WDFY3: variants seen among roughly 807,000 people sequenced by gnomAD.
WDFY3 encodes the protein WD repeat and FYVE domain containing 3, also known as WD repeat and FYVE domain-containing protein 3.
In WDFY3, 66 loss-of-function variants were observed where a neutral mutation model predicts 409.6. The ratio of observed to expected loss-of-function variants is 0.16; its 90% CI spans 0.13 to 0.20. The LOEUF (loss-of-function observed/expected upper bound fraction) is 0.20. Among genes scored for constraint, WDFY3 ranks in the 10% least tolerant of loss-of-function variants. The pLI is 1.00. For missense variants in WDFY3, 3,031 were observed against 4,298.1 expected (o/e 0.71, Z 8.24); for synonymous variants, 1,521 against 1,537.1 (o/e 0.99, Z 0.25).
At chr4:84,892,187 T>C (rs1765042663) in intron 3 of WDFY3, among the ~76,000 whole-genome samples, 1 of 152,090 alleles carries the variant, frequency 6.6e-6, no homozygotes, top group African/African-American at 2.4e-5. Flanking sequence ...TTTTGGAATG[T>C]ATCCATGGGA....
intron 15 of WDFY3, among the ~76,000 whole-genome samples, chr4:84,806,421 CTCAA>C (rs1370052776): frequency 6.6e-6 from 1 of 152,134 alleles, no homozygotes. Context: ...CGGATTAGGG[CTCAA>C]TCAACTAGCT....
intron 64 of WDFY3, 21 bp from the exon 65 acceptor site, chr4:84,679,263 A>G (rs1172784039): frequency 1.4e-6 from 2 of 1,474,216 alleles, no homozygotes; most frequent in East Asian, 2.5e-5. Context: ...CATTGAGAGA[A>G]TTGGAACATA....
At chr4:84,793,061 C>T (rs995143367) in intron 21 of WDFY3, among the ~76,000 whole-genome samples, 4 of 152,154 alleles carry the variant, frequency 2.6e-5, no homozygotes, top group African/African-American at 9.7e-5. Context: ...ATTAGGGAGG[C>T]ATATTACAGT....
At chr4:84,762,550 A>C (rs1742840150) in intron 32 of WDFY3, among the ~76,000 whole-genome samples, 1 of 151,836 alleles carries the variant, frequency 6.6e-6, no homozygotes, top group Admixed American at 6.6e-5. Context: ...CCAGCATGTC[A>C]CATGTATACA....
rs745737781 is a variant in WDFY3, at chr4:84,789,762, G to A, written c.3633C>T (p.Ala1211=). The A allele has an allele frequency of 2.5e-6, 4 of 1,613,088 alleles. No homozygotes were observed. The highest frequency in any genetic ancestry group is 1.7e-6 in the Non-Finnish European group (2 of 1,179,928). The stretch of plus-strand genomic sequence containing the variant: ...TAACAAGCTGTCCATCAATATAAAG[G>A]GCTGCAGTACTGTTTTTCAACATGC... The part of the protein sequence containing the change: ...SKGMLKNSTA[A]LYIDGQLVNT... Residue 1211 remains alanine, a synonymous_variant, in exon 22 of 68, where the codon GCC becomes GCT. Coordinates refer to ENST00000295888, the MANE Select transcript of WDFY3 (RefSeq NM_014991.6).
At chr4:84,687,919 T>C in intron 62 of WDFY3, 167 bp downstream of exon 62, 1 of 687,886 alleles carries the variant, frequency 1.5e-6, no homozygotes, top group Non-Finnish European at 2.5e-6. Flanking sequence ...AGACACCTGA[T>C]GGGTATAGTG....
At chr4:84,680,321 G>A (rs1263622094) in intron 64 of WDFY3, among the ~76,000 whole-genome samples, 1 of 151,846 alleles carries the variant, frequency 6.6e-6, no homozygotes, top group Non-Finnish European at 1.5e-5. Flanking sequence ...CATGGATCTT[G>A]CTCTATCACC....
At chr4:84,690,133 A>C (rs1473953570) in intron 61 of WDFY3, among the ~76,000 whole-genome samples, 1 of 152,232 alleles carries the variant, frequency 6.6e-6, no homozygotes, top group Non-Finnish European at 1.5e-5. Context: ...CAAAAAATAA[A>C]GAATTTAGTG....
intron 17 of WDFY3, among the ~76,000 whole-genome samples, chr4:84,800,034 G>A (rs906323934): frequency 6.6e-6 from 1 of 150,798 alleles, no homozygotes; most frequent in Admixed American, 6.6e-5. Context: ...TTACCAAAAA[G>A]GATCAGGGGA....
At chr4:84,874,484 T>C (rs564029082) in intron 3 of WDFY3, among the ~76,000 whole-genome samples, 2 of 152,240 alleles carry the variant, frequency 1.3e-5, no homozygotes, top group African/African-American at 4.8e-5. Flanking sequence ...GATTCCCTAT[T>C]GTCTAAGAAT....
In WDFY3 at chr4:84,786,132, A is replaced by G; in HGVS notation, c.3909T>C (p.Asp1303=). The change falls in exon 24 of 68, where the codon GAT becomes GAC. Residue 1303 remains aspartate, a synonymous_variant. Transcript: ENST00000295888. ...SFQAVCMPCK[D]AKSEGVVPSP... ...ATGGCACCACCCCTTCGGATTTTGC[A>G]TCTTTACCTTCAAAAGAAGAATAAT... is the stretch of plus-strand genomic sequence containing the variant. 2 of 1,595,824 alleles carry G rather than the reference A, an allele frequency of 1.3e-6. No individual in the cohort carries two copies. The highest frequency in any genetic ancestry group is 2.3e-5 in the East Asian group (1 of 44,332).
chr4:84,893,603 T>C (rs1000690879), intron 3 of WDFY3, among the ~76,000 whole-genome samples: 10 of 152,212 alleles, frequency 6.6e-5, no homozygotes, highest in Non-Finnish European at 1.3e-4. Context: ...AATTTCTCAA[T>C]CTCTACATTT....
Position 84,829,033 on chromosome 4 carries a change from T to A in WDFY3, c.927A>T (p.Gly309=). ...GCAAGAGATCACAAAGAAAATTATA[T>A]CCTTGCCATATCCGAAAATCATCCA... The part of the protein sequence containing the change: ...TLLDDFRIWQ[G]YNFLCDLLLR... The change falls in exon 9 of 68, where the codon GGA becomes GGT. Residue 309 remains glycine (G), a synonymous_variant. Coordinates refer to ENST00000295888, the MANE Select transcript of WDFY3 (RefSeq NM_014991.6). The A allele has an allele frequency of 6.2e-7, 1 of 1,613,056 alleles. No homozygotes were observed. Among genetic ancestry groups the A allele is most frequent in the Non-Finnish European group, 8.5e-7 (1 of 1,179,450 alleles).
intron 39 of WDFY3, among the ~76,000 whole-genome samples, chr4:84,739,678 T>A (rs1051788544): frequency 5.3e-5 from 8 of 152,292 alleles, no homozygotes; most frequent in African/African-American, 1.9e-4. Flanking sequence ...GGGTTGTTCC[T>A]AGCAGATCAC....
chr4:84,684,731 A>G (rs963830883), intron 62 of WDFY3, among the ~76,000 whole-genome samples: 1 of 152,210 alleles, frequency 6.6e-6, no homozygotes, highest in African/African-American at 2.4e-5. Context: ...TGGCAAACTT[A>G]GTAAAAACCA....
At chr4:84,854,718 G>A (rs1277603634) in intron 4 of WDFY3, among the ~76,000 whole-genome samples, 1 of 152,172 alleles carries the variant, frequency 6.6e-6, no homozygotes, top group Non-Finnish European at 1.5e-5. Context: ...AGACCAGCCT[G>A]GCCAACATGG....
At chr4:84,827,513 G>A (rs1038526186) in intron 9 of WDFY3, among the ~76,000 whole-genome samples, 24 of 152,080 alleles carry the variant, frequency 1.6e-4, no homozygotes, top group African/African-American at 4.8e-4. Flanking sequence ...GGGAGTGAGA[G>A]TTCCAACAGC....
intron 34 of WDFY3, among the ~76,000 whole-genome samples, chr4:84,754,851 A>G (rs1439950917): frequency 2.6e-5 from 4 of 152,166 alleles, no homozygotes; most frequent in African/African-American, 9.6e-5. Context: ...ATTATTATAT[A>G]TTTTATTACA....
At chr4:84,724,360 T>C in intron 46 of WDFY3, 66 bp downstream of exon 46, 1 of 1,531,098 alleles carries the variant, frequency 6.5e-7, no homozygotes, top group East Asian at 2.3e-5. Flanking sequence ...CTCAAATTTT[T>C]GTATGAATTC....
Sources: allele counts gnomAD v4.1 joint callset (sites outside exome capture counted in the v4.1 genomes callset), GRCh38; gene constraint gnomAD v4.1.1; transcripts MANE v1.5; gene names NCBI Gene and HGNC (gene_info 2026-07-23, HGNC 2026-07-21).